Variants in AGMO observed in about 807,000 individuals in gnomAD.
AGMO encodes glyceryl-ether monooxygenase.
In AGMO, 75 loss-of-function variants were observed where a neutral mutation model predicts 60.2. The observed-to-expected ratio is 1.25, with a 90% CI of 1.03 to 1.51. The LOEUF (loss-of-function observed/expected upper bound fraction) is 1.51, where lower values mean the gene tolerates loss of function less well. AGMO is among the 40% of genes most tolerant of loss of function. AGMO has a pLI of 0.00. For synonymous variants in AGMO, 261 were observed against 177.1 expected, an observed-to-expected ratio of 1.47 and a Z score of -3.76; for missense variants, 763 against 525.5, an observed-to-expected ratio of 1.45 and a Z score of -4.42.
intron 12 of AGMO, among the ~76,000 whole-genome samples, chr7:15,314,724 TACCTTATATGAC>T (rs1469725276): frequency 6.6e-6 from 1 of 152,156 alleles, no homozygotes; most frequent in Non-Finnish European, 1.5e-5. Context: ...GTGAGTATAT[TACCTTATATGAC>T]TTTGGGACTT....
intron 12 of AGMO, among the ~76,000 whole-genome samples, chr7:15,303,721 CA>C (rs1780523517): frequency 6.6e-6 from 1 of 152,082 alleles, no homozygotes; most frequent in Non-Finnish European, 1.5e-5. Flanking sequence ...GAACTTGATA[CA>C]AGCTATGGAA....
intron 12 of AGMO, among the ~76,000 whole-genome samples, chr7:15,241,373 T>C (rs1296318842): frequency 7.3e-6 from 1 of 136,370 alleles, no homozygotes; most frequent in African/African-American, 2.8e-5. Flanking sequence ...GGCAGGAGAA[T>C]GGCATGAACC....
At chr7:15,389,181 G>C (rs958393762) in intron 8 of AGMO, among the ~76,000 whole-genome samples, 13 of 152,174 alleles carry the variant, frequency 8.5e-5, no homozygotes, top group Admixed American at 4.6e-4. Context: ...GGCTTGTTTA[G>C]AAAACACAGG....
chr7:15,435,614 T>C (rs1781378508), intron 3 of AGMO, among the ~76,000 whole-genome samples: 1 of 152,134 alleles, frequency 6.6e-6, no homozygotes, highest in African/African-American at 2.4e-5. Context: ...TGCATAAAAG[T>C]CCTTTATTAA....
chr7:15,371,096 C>T (rs959345380), intron 10 of AGMO, among the ~76,000 whole-genome samples: 1 of 152,046 alleles, frequency 6.6e-6, no homozygotes, highest in African/African-American at 2.4e-5. Context: ...CTACCTTTCA[C>T]CATATATAAA....
chr7:15,299,513 G>C (rs1784498462), intron 12 of AGMO, among the ~76,000 whole-genome samples: 1 of 152,190 alleles, frequency 6.6e-6, no homozygotes, highest in South Asian at 2.1e-4. Context: ...GGCTAATGCT[G>C]TGTTTCATGG....
chr7:15,411,983 A>G (rs1195932168), intron 5 of AGMO, among the ~76,000 whole-genome samples: 1 of 152,014 alleles, frequency 6.6e-6, no homozygotes, highest in Non-Finnish European at 1.5e-5. Context: ...ACACTCTATT[A>G]TCTGTGTCCT....
intron 3 of AGMO, among the ~76,000 whole-genome samples, chr7:15,533,104 C>A (rs1015037648): frequency 2.6e-5 from 4 of 152,086 alleles, no homozygotes. Flanking sequence ...TCCTTAAGTA[C>A]TTTCTGTTTC....
rs188530259 is a variant in AGMO, at chr7:15,362,395, A to G, written c.1263+3119T>C. ...ATCTCACTTGACCTCTCAACAGAGA[A>G]GACTTGCTCAAGTTTAATCATTAAT... On this transcript the variant is annotated intron_variant, in intron 12 of 12. Transcript: ENST00000342526. 3.9e-5 allele frequency among the ~76,000 whole-genome samples: 6 copies of G among 152,302 alleles called. No homozygotes were observed. The East Asian group carries it at 1.2e-3, about 29-fold the overall frequency.
chr7:15,446,067 C>T lies in AGMO; in HGVS notation c.410-14959G>A, dbSNP rs184304373. Among the ~76,000 whole-genome samples the T allele has an allele frequency of 4.6e-5, 7 of 152,254 alleles. No individual in the cohort carries two copies. In the East Asian group the frequency reaches 5.8e-4, roughly 13 times the overall value. ...CAGGAAGTGTTATTTTCAAAACTAT[C>T]GTACATGTGATGAAGATCCATTAAA... On this transcript the variant is annotated intron_variant, in intron 3 of 12. Transcript: ENST00000342526.
chr7:15,194,918 T>C, the AGMO span, among the ~76,000 whole-genome samples: 1 of 152,204 alleles, frequency 6.6e-6, no homozygotes, highest in African/African-American at 2.4e-5. Flanking sequence ...CAAGTTAAAA[T>C]GCATGCTGTG....
intron 12 of AGMO, among the ~76,000 whole-genome samples, chr7:15,232,836 A>G (rs886474451): frequency 1.6e-5 from 2 of 126,908 alleles, no homozygotes; most frequent in African/African-American, 5.2e-5. Flanking sequence ...CAAAAACTAA[A>G]GAAAAAACTC....
chr7:15,484,432 C>T (rs77473155), intron 3 of AGMO, among the ~76,000 whole-genome samples: 12 of 152,138 alleles, frequency 7.9e-5, no homozygotes, highest in Non-Finnish European at 1.5e-4. Context: ...GGAGCCATGA[C>T]GGAGATATCA....
chr7:15,241,445 G>A (rs1782583339), intron 12 of AGMO, among the ~76,000 whole-genome samples: 1 of 115,134 alleles, frequency 8.7e-6, no homozygotes, highest in African/African-American at 3.3e-5. Flanking sequence ...GGGCGAAAGA[G>A]TGAGACTCCG....
intron 4 of AGMO, among the ~76,000 whole-genome samples, chr7:15,422,414 T>A (rs1278936925): frequency 6.6e-6 from 1 of 152,016 alleles, no homozygotes; most frequent in African/African-American, 2.4e-5. Flanking sequence ...AAGAGCAATG[T>A]CACCAACCTA....
chr7:15,153,485 G>T, the AGMO span, among the ~76,000 whole-genome samples: 2 of 152,086 alleles, frequency 1.3e-5, no homozygotes, highest in African/African-American at 4.8e-5. Flanking sequence ...GTCTTAGATT[G>T]AAGTCTTTGA....
chr7:15,383,861 T>A lies in AGMO; in HGVS notation c.1074+1585A>T, dbSNP rs140064798. On this transcript the variant is annotated intron_variant, in intron 10 of 12. Transcript: ENST00000342526. ...GAGTTCTTCATATCTGAAGATAACA[T>A]CTCTTCCATGTTTTTAATCTGTTTA... Among the ~76,000 whole-genome samples the A allele has an allele frequency of 3.3e-3, 495 of 152,306 alleles. 1 individual carries two copies. The highest frequency in any genetic ancestry group is 0.011 in the African/African-American group (469 of 41,562).
chr7:15,359,275 C>CA (rs1782658093), intron 12 of AGMO, among the ~76,000 whole-genome samples: 1 of 128,356 alleles, frequency 7.8e-6, no homozygotes. Context: ...AGCAACAGAG[C>CA]AAGACTCCGT....
At position 15,418,591 on chromosome 7, in the gene AGMO, G is replaced by T; in HGVS notation, c.576C>A (p.Phe192Leu). The T allele has an allele frequency of 6.3e-7, 1 of 1,589,114 alleles. No individual in the cohort carries two copies. Among genetic ancestry groups the T allele is most frequent in the Non-Finnish European group, 8.5e-7 (1 of 1,170,828 alleles). ...GGATCCAAAATTGGTAAAGAAGATT[G>T]AATTGAAGATGAACAGCATATACTG... The part of the protein sequence containing the change: ...PPSVYAVHLQ[F>L]NLLYQFWIHT... The change falls in exon 5 of 13, where the codon TTC becomes TTA. Residue 192 changes from phenylalanine to leucine, a missense_variant. Physicochemically the swap from Phe to Leu is conservative, Grantham distance 22 (BLOSUM62 0). Transcript: ENST00000342526.
Sources: gnomAD v4.1 joint callset for allele counts (sites outside exome capture counted in the v4.1 genomes callset) on GRCh38, gnomAD v4.1.1 for gene constraint, MANE v1.5 for transcripts, NCBI Gene and HGNC (gene_info 2026-07-23, HGNC 2026-07-21) for gene names.